NEGR1: variants seen among roughly 807,000 people sequenced by gnomAD.
NEGR1 encodes neuronal growth regulator 1, also known as IgLON family member 4.
In NEGR1, 10 loss-of-function variants were observed where a neutral mutation model predicts 40.9. The observed-to-expected ratio is 0.24, with a 90% CI of 0.15 to 0.42. The LOEUF (loss-of-function observed/expected upper bound fraction) is 0.42. NEGR1 is among the 10% of genes least tolerant of loss of function. The pLI, the probability that NEGR1 is intolerant of heterozygous loss-of-function variation, is 1.00. For synonymous variants in NEGR1, 185 were observed against 166.8 expected (o/e 1.11, Z -0.84); for missense variants, 352 against 438.9 (o/e 0.80, Z 1.77).
intron 6 of NEGR1, among the ~76,000 whole-genome samples, chr1:71,533,064 C>A (rs1377711670): frequency 6.6e-6 from 1 of 151,480 alleles, no homozygotes; most frequent in Non-Finnish European, 1.5e-5. Flanking sequence ...TGACCAAAAT[C>A]CAATTTTATG....
chr1:71,814,515 A>T (rs1347773326), intron 2 of NEGR1, among the ~76,000 whole-genome samples: 1 of 152,070 alleles, frequency 6.6e-6, no homozygotes, highest in Non-Finnish European at 1.5e-5. Flanking sequence ...ACTCTGGTAG[A>T]ATTCAGCTGT....
At chr1:71,675,066 C>CTA (rs1652572196) in intron 4 of NEGR1, among the ~76,000 whole-genome samples, 1 of 102,780 alleles carries the variant, frequency 9.7e-6, no homozygotes, top group African/African-American at 3.2e-5. Context: ...CGTATGTGAT[C>CTA]TATATATGTG....
intron 1 of NEGR1, among the ~76,000 whole-genome samples, chr1:72,265,724 A>G (rs928104251): frequency 6.6e-6 from 1 of 151,012 alleles, no homozygotes; most frequent in Admixed American, 6.6e-5. Flanking sequence ...AAAATCTTCA[A>G]TGAGCTTCCT....
At chr1:71,523,311 G>T in intron 6 of NEGR1, among the ~76,000 whole-genome samples, 1 of 151,944 alleles carries the variant, frequency 6.6e-6, no homozygotes, top group East Asian at 1.9e-4. Context: ...AATGCAGAAA[G>T]ATCCTTAACA....
intron 6 of NEGR1, among the ~76,000 whole-genome samples, chr1:71,582,081 C>T (rs1649158764): frequency 6.6e-6 from 1 of 151,922 alleles, no homozygotes; most frequent in African/African-American, 2.4e-5. Context: ...TAAAATATTA[C>T]TTAGGAAGAC....
intron 1 of NEGR1, among the ~76,000 whole-genome samples, chr1:72,076,029 T>A (rs1049773127): frequency 1.3e-5 from 2 of 152,256 alleles, no homozygotes; most frequent in African/African-American, 4.8e-5. Flanking sequence ...CCAAATAATA[T>A]AAGTAAAACA....
intron 6 of NEGR1, among the ~76,000 whole-genome samples, chr1:71,565,160 C>T (rs987478222): frequency 1.3e-5 from 2 of 152,074 alleles, no homozygotes; most frequent in African/African-American, 4.8e-5. Flanking sequence ...CGTAGGAAGC[C>T]ATGCTTCCCC....
At chr1:71,855,963 C>T (rs58507305) in intron 2 of NEGR1, among the ~76,000 whole-genome samples, 18,378 of 152,060 alleles carry the variant, frequency 0.12, 1,194 homozygotes, top group African/African-American at 0.15. Flanking sequence ...CACAACTCCT[C>T]TGCCTGCCCT....
intron 3 of NEGR1, among the ~76,000 whole-genome samples, chr1:71,706,445 A>G (rs911896948): frequency 6.6e-6 from 1 of 151,928 alleles, no homozygotes; most frequent in East Asian, 1.9e-4. Context: ...CCTAGGGAAG[A>G]ACTAGGCCCA....
At chr1:72,034,838 C>G (rs1445919174) in intron 1 of NEGR1, among the ~76,000 whole-genome samples, 2 of 152,106 alleles carry the variant, frequency 1.3e-5, no homozygotes, top group Non-Finnish European at 2.9e-5. Flanking sequence ...TAATAAAACG[C>G]AGCCCCAAAC....
intron 1 of NEGR1, among the ~76,000 whole-genome samples, chr1:72,218,993 T>C (rs1653921590): frequency 6.6e-6 from 1 of 152,072 alleles, no homozygotes; most frequent in African/African-American, 2.4e-5. Flanking sequence ...CTCTCCTCAG[T>C]GAAGCTTCAT....
intron 2 of NEGR1, among the ~76,000 whole-genome samples, chr1:71,837,604 C>G (rs1659085712): frequency 6.6e-6 from 1 of 151,950 alleles, no homozygotes; most frequent in Admixed American, 6.6e-5. Context: ...ATAACTGGAC[C>G]CTGATTGAAC....
At chr1:72,101,304 G>T (rs1557526882) in intron 1 of NEGR1, among the ~76,000 whole-genome samples, 1 of 152,042 alleles carries the variant, frequency 6.6e-6, no homozygotes, top group Non-Finnish European at 1.5e-5. Flanking sequence ...CAAATATACT[G>T]AATAATTACC....
chr1:71,590,662 G>T (rs1570074549), intron 6 of NEGR1, among the ~76,000 whole-genome samples: 1 of 152,186 alleles, frequency 6.6e-6, no homozygotes, highest in Admixed American at 6.6e-5. Context: ...GAGAATTACA[G>T]AATCTAGCTC....
chr1:71,839,181 G>A (rs531159531), intron 2 of NEGR1, among the ~76,000 whole-genome samples: 3 of 147,054 alleles, frequency 2.0e-5, no homozygotes, highest in East Asian at 4.0e-4. Context: ...AGTACAGCTG[G>A]CTGAAAAGAG....
chr1:71,732,883 A>G (rs1654932498), intron 3 of NEGR1, among the ~76,000 whole-genome samples: 1 of 152,182 alleles, frequency 6.6e-6, no homozygotes, highest in Non-Finnish European at 1.5e-5. Context: ...AGTTCTCTTA[A>G]TAGGATTAAG....
chr1:72,011,089 G>GT (rs1331528776), intron 1 of NEGR1, among the ~76,000 whole-genome samples: 1 of 152,140 alleles, frequency 6.6e-6, no homozygotes, highest in East Asian at 1.9e-4. Flanking sequence ...TCAAGTTCTT[G>GT]TTTTTTTCTC....
intron 1 of NEGR1, among the ~76,000 whole-genome samples, chr1:72,175,810 A>T (rs1652143795): frequency 6.6e-6 from 1 of 152,078 alleles, no homozygotes. Flanking sequence ...TTTTCCACAA[A>T]CGGTTTCTTA....
chr1:72,254,194 T>C (rs956348818), intron 1 of NEGR1, among the ~76,000 whole-genome samples: 10 of 152,198 alleles, frequency 6.6e-5, no homozygotes, highest in Admixed American at 6.5e-4. Flanking sequence ...GCTTATTATG[T>C]AGTACACTAA....
Sources: gnomAD v4.1 joint callset for allele counts (sites outside exome capture counted in the v4.1 genomes callset) on GRCh38, gnomAD v4.1.1 for gene constraint, MANE v1.5 for transcripts, NCBI Gene and HGNC (gene_info 2026-07-23, HGNC 2026-07-21) for gene names.